The following SKI variants were observed in gnomAD, a reference collection of about 807,000 sequenced individuals.
SKI encodes the protein SKI proto-oncogene, also known as ski oncogene.
A neutral mutation model predicts 59.3 loss-of-function variants in SKI; 23 were observed. The ratio of observed to expected loss-of-function variants is 0.39; its 90% CI spans 0.28 to 0.55. The LOEUF (loss-of-function observed/expected upper bound fraction) is 0.55, where lower values mean the gene tolerates loss of function less well. SKI is among the 20% of genes least tolerant of loss of function. The pLI is 0.67. For missense variants in SKI, 1,017 were observed against 1,038.9 expected (o/e 0.98, Z 0.29); for synonymous variants, 673 against 488.6 (o/e 1.38, Z -4.98).
intron 1 of SKI, among the ~76,000 whole-genome samples, chr1:2,299,555 G>A (rs1347035354): frequency 6.6e-6 from 1 of 152,146 alleles, no homozygotes; most frequent in Non-Finnish European, 1.5e-5. Flanking sequence ...CAGCCTCCCT[G>A]CCAGGGTAGG....
chr1:2,263,090 A>G (rs750920444), intron 1 of SKI, among the ~76,000 whole-genome samples: 1 of 152,112 alleles, frequency 6.6e-6, no homozygotes, highest in Non-Finnish European at 1.5e-5. Flanking sequence ...CAGTAGAGAC[A>G]GGGTTTCACC....
At position 2,274,852 on chromosome 1, in the gene SKI, G is replaced by A. The variant is rs376756774; in HGVS notation, c.970-28126G>A. Among the ~76,000 whole-genome samples the A allele has an allele frequency of 8.5e-4, 129 of 152,316 alleles. 1 individual carries two copies. The highest frequency in any genetic ancestry group is 2.8e-3 in the African/African-American group (115 of 41,576). ...TGCAGTCATCTTCAGTCACTTTCCC[G>A]GCCGCCACGGCCCCCTCCTGGCTTC... On this transcript the variant is annotated intron_variant, in intron 1 of 6. Coordinates refer to ENST00000378536, the MANE Select transcript of SKI (RefSeq NM_003036.4).
Position 2,303,144 on chromosome 1 carries a change from T to G in SKI, c.1095+41T>G, listed in dbSNP as rs1268069559. The stretch of plus-strand genomic sequence containing the variant: ...TCGGGGTCCTTGGGGTGGTGGGTAC[T>G]GGGCCCTTCTCCTTGGGCAGACCCA... On this transcript the variant is annotated intron_variant, in intron 2 of 6. Transcript: ENST00000378536. The surrounding 1 kb of genome is among the most constrained non-coding windows in gnomAD (Gnocchi z 5.6). The G allele has an allele frequency of 6.2e-7, 1 of 1,612,038 alleles. No individual in the cohort carries two copies. Among genetic ancestry groups the G allele is most frequent in the Non-Finnish European group, 8.5e-7 (1 of 1,179,532 alleles).
Position 2,306,135 on chromosome 1 carries a change from A to G in SKI, c.1883A>G (p.Lys628Arg). ...RLRAENEKKM[K>R]EANESRLRLK... ...CGCGCCGAGAACGAGAAGAAGATGA[A>G]AGAGGCCAACGAGTCACGGCTGCGC... The change falls in exon 6 of 7, where the codon AAA becomes AGA. Residue 628 changes from lysine (K) to arginine (R), a missense_variant. Physicochemically the swap from Lys to Arg is conservative, Grantham distance 26. Coordinates refer to ENST00000378536, the MANE Select transcript of SKI (RefSeq NM_003036.4). 1 of 1,596,862 alleles carries G rather than the reference A, an allele frequency of 6.3e-7. No individual in the cohort carries two copies. The highest frequency in any genetic ancestry group is 8.5e-7 in the Non-Finnish European group (1 of 1,173,066).
Position 2,306,240 on chromosome 1 carries a change from A to C in SKI, c.1988A>C (p.Tyr663Ser). 1 of 1,554,638 alleles carries C rather than the reference A, an allele frequency of 6.4e-7. No homozygotes were observed. Among genetic ancestry groups the C allele is most frequent in the Non-Finnish European group, 8.7e-7 (1 of 1,150,186 alleles). Residue 663 changes from tyrosine to serine, a missense_variant, in exon 6 of 7, where the codon TAC (tyrosine) becomes TCC (serine). Physicochemically the swap from Tyr to Ser is moderately radical, Grantham distance 144. Transcript: ENST00000378536. The stretch of plus-strand genomic sequence containing the variant: ...GAGGCGGGCCGCCTGCGCGCCAAGT[A>C]CTCGGCCCAGGTATGCGGGTGGGGA... The part of the protein sequence containing the change: ...GCEAGRLRAK[Y>S]SAQIEDLQVK...
chr1:2,253,804 CT>C (rs1229289284), intron 1 of SKI, among the ~76,000 whole-genome samples: 3 of 152,184 alleles, frequency 2.0e-5, no homozygotes, highest in Admixed American at 6.5e-5. Context: ...TGTGCCCCCC[CT>C]ACCAGGGCTG....
At position 2,307,104 on chromosome 1, in the gene SKI, A is replaced by G. The variant is rs1014468480; in HGVS notation, c.*339A>G. ...AGGAGACTTGAAATTCAGAAAATCA[A>G]CACATTTTTAAATGACTAACTTCTA... On this transcript the variant is annotated 3_prime_UTR_variant, in exon 7 of 7. Transcript: ENST00000378536. The G allele has an allele frequency of 5.8e-6, 1 of 172,998 alleles. No homozygotes were observed. The highest frequency in any genetic ancestry group is 1.2e-5 in the Non-Finnish European group (1 of 82,014). The allele number at this position is 172,998 out of a possible 1,614,324, so 10.7% of individuals were successfully genotyped here.
chr1:2,284,536 T>TG lies in SKI; in HGVS notation c.970-18435dup, dbSNP rs553392566. 9.1e-4 allele frequency among the ~76,000 whole-genome samples: 138 copies of TG among 152,290 alleles called. 3 individuals are homozygous for TG. The East Asian group carries it at 0.016, about 18-fold the overall frequency. On this transcript the variant is annotated intron_variant, in intron 1 of 6. Transcript: ENST00000378536. ...GCAGGGCAGATGCAGCTGAGGTGCC[T>TG]GGGGGGGCAGGGACCCTTCCCCAGT...
intron 1 of SKI, among the ~76,000 whole-genome samples, chr1:2,263,591 T>G (rs1008547636): frequency 2.0e-5 from 3 of 152,072 alleles, no homozygotes; most frequent in African/African-American, 7.2e-5. Flanking sequence ...TTTTTTCTTC[T>G]TCTTCCCGTG....
At position 2,290,829 on chromosome 1, in the gene SKI, C is replaced by G. The variant is rs1446297849; in HGVS notation, c.970-12149C>G. ...CCCCTCCTGCCGCTCTTACGAAACA[C>G]TCTTAATTGAGTCCGATTCTTGGTG... On this transcript the variant is annotated intron_variant, in intron 1 of 6. Transcript: ENST00000378536. Among the ~76,000 whole-genome samples the G allele has an allele frequency of 3.9e-5, 6 of 152,368 alleles. No individual in the cohort carries two copies. The South Asian group carries it at 1.0e-3, about 26-fold the overall frequency.
intron 1 of SKI, among the ~76,000 whole-genome samples, chr1:2,290,644 GT>G (rs2100893771): frequency 6.6e-6 from 1 of 152,314 alleles, no homozygotes; most frequent in East Asian, 1.9e-4. Flanking sequence ...GATGCCTTCT[GT>G]GGTTTGAGGT....
chr1:2,302,010 G>T (rs1160645104), intron 1 of SKI, among the ~76,000 whole-genome samples: 1 of 152,280 alleles, frequency 6.6e-6, no homozygotes, highest in Non-Finnish European at 1.5e-5. Flanking sequence ...TTGGGTCTCA[G>T]TTGTGCCTTG....
chr1:2,271,978 C>A (rs1011189604), intron 1 of SKI, among the ~76,000 whole-genome samples: 1 of 152,210 alleles, frequency 6.6e-6, no homozygotes, highest in African/African-American at 2.4e-5. Context: ...TGCTTTCTCG[C>A]AGCTGTTCTC....
In SKI at chr1:2,269,402, C is replaced by A. The variant is rs918225868; in HGVS notation, c.970-33576C>A. Among the ~76,000 whole-genome samples the A allele has an allele frequency of 1.4e-4, 21 of 152,260 alleles. No homozygotes were observed. Among genetic ancestry groups the A allele is most frequent in the Non-Finnish European group, 5.9e-5 (4 of 68,044 alleles). ...CGGAAGTGGCCACACTGCAGGCCCC[C>A]ACAGCGTCACTAGTAGGCCAAGCGG... On this transcript the variant is annotated intron_variant, in intron 1 of 6. Coordinates refer to ENST00000378536, the MANE Select transcript of SKI (RefSeq NM_003036.4). The surrounding 1 kb of genome is among the most constrained non-coding windows in gnomAD (Gnocchi z 4.7).
At chr1:2,257,129 C>G (rs946576661) in intron 1 of SKI, among the ~76,000 whole-genome samples, 34 of 149,618 alleles carry the variant, frequency 2.3e-4, no homozygotes, top group Non-Finnish European at 9.1e-5. Context: ...AGATATCTAT[C>G]TCTTTGTAAA....
intron 1 of SKI, among the ~76,000 whole-genome samples, chr1:2,296,805 C>T (rs1382945997): frequency 2.6e-5 from 4 of 152,084 alleles, no homozygotes; most frequent in Admixed American, 6.5e-5. Context: ...TCTGCGGGGG[C>T]GGGAGTCTGG....
At chr1:2,282,141 G>A (rs1639900388) in intron 1 of SKI, among the ~76,000 whole-genome samples, 1 of 67,636 alleles carries the variant, frequency 1.5e-5, no homozygotes, top group Non-Finnish European at 3.0e-5. Context: ...AGGCGGTGGC[G>A]GAGATCTTCA....
At chr1:2,306,347 C>CT (rs1640577678) in intron 6 of SKI, 97 bp downstream of exon 6, 3 of 1,226,350 alleles carry the variant, frequency 2.4e-6, no homozygotes. Flanking sequence ...GGCCTTGGAG[C>CT]AGAAGCCAGG....
intron 1 of SKI, among the ~76,000 whole-genome samples, chr1:2,238,291 C>T (rs1638794919): frequency 6.6e-6 from 1 of 152,250 alleles, no homozygotes; most frequent in African/African-American, 2.4e-5. Context: ...CTGCCCGTGG[C>T]CCTCTTTTTT....
Sources: allele counts gnomAD v4.1 joint callset (sites outside exome capture counted in the v4.1 genomes callset), GRCh38; gene constraint gnomAD v4.1.1; non-coding constraint Gnocchi (gnomAD v3.1); transcripts MANE v1.5; gene names NCBI Gene and HGNC (gene_info 2026-07-23, HGNC 2026-07-21).